Variants in HERC1 observed in about 807,000 individuals in gnomAD.
HERC1 encodes probable E3 ubiquitin-protein ligase HERC1.
In HERC1, 160 loss-of-function variants were observed where a neutral mutation model predicts 554.3. The ratio of observed to expected loss-of-function variants is 0.29; its 90% CI spans 0.25 to 0.33. HERC1 has a LOEUF of 0.33. HERC1 is among the 10% of genes least tolerant of loss of function. The probability of loss-of-function intolerance (pLI) is 1.00; values close to 1 mark genes in which losing one functional copy is unlikely to be tolerated. For synonymous variants in HERC1, 2,175 were observed against 2,131.7 expected, an observed-to-expected ratio of 1.02 and a Z score of -0.56; for missense variants, 4,919 against 5,918.5, an observed-to-expected ratio of 0.83 and a Z score of 5.54.
intron 1 of HERC1, among the ~76,000 whole-genome samples, chr15:63,816,094 T>C (rs1019030814): frequency 2.1e-5 from 1 of 48,532 alleles, no homozygotes; most frequent in Non-Finnish European, 6.2e-5. Context: ...AGCCAAACCA[T>C]ATACCTAACA....
rs137967909 is a variant in HERC1 at position 63,818,875 on chromosome 15, T to C, written c.-27+14952A>G. On this transcript the variant is annotated intron_variant, in intron 1 of 77. Transcript: ENST00000443617. ...TGATACAGTCAAAACCACTTCAGTA[T>C]TACTGCAGCCTACTAGTAGGTTTTA... 2.3e-3 allele frequency among the ~76,000 whole-genome samples: 352 copies of C among 152,322 alleles called. 5 individuals are homozygous for C. The highest frequency in any genetic ancestry group is 0.021 in the East Asian group (107 of 5,192).
At chr15:63,767,459 G>A (rs972173180) in intron 2 of HERC1, among the ~76,000 whole-genome samples, 3 of 152,030 alleles carry the variant, frequency 2.0e-5, no homozygotes, top group Non-Finnish European at 4.4e-5. Flanking sequence ...CAGCACTTTG[G>A]GAGGCCAAGG....
rs1300087397 is a variant in HERC1, at chr15:63,775,969, C to G, written c.-26-320G>C. On this transcript the variant is annotated intron_variant, in intron 1 of 77. Coordinates refer to ENST00000443617, the MANE Select transcript of HERC1 (RefSeq NM_003922.4). This position sits in a 1 kb window ranked among gnomAD's most constrained non-coding sequence, Gnocchi z 4.0. ...AGGAGAATCGCTTGAACCTGGGAGG[C>G]GGAGGTTGCAGTGAGCCGAGATCGC... is the stretch of plus-strand genomic sequence containing the variant. 6.8e-6 allele frequency among the ~76,000 whole-genome samples: 1 copy of G among 147,852 alleles called. No homozygotes were observed.
chr15:63,623,880 A>T lies in HERC1; in HGVS notation c.13456T>A (p.Cys4486Ser). 1 of 1,613,830 alleles carries T rather than the reference A, an allele frequency of 6.2e-7. No homozygotes were observed. The highest frequency in any genetic ancestry group is 8.5e-7 in the Non-Finnish European group (1 of 1,179,796). Reference protein sequence around the residue: ...VKRISTRGRKCKPIFVQIARQ... With the variant: ...VKRISTRGRKSKPIFVQIARQ... ...GCTATTTGGACAAAAATAGGCTTAC[A>T]CTTCCGTCCTCTTTAAAAGAAAGGG... Residue 4486 changes from cysteine (C) to serine (S), a missense_variant, in exon 73 of 78, where the codon TGT (cysteine) becomes AGT (serine). Coordinates refer to ENST00000443617, the MANE Select transcript of HERC1 (RefSeq NM_003922.4).
intron 64 of HERC1, chr15:63,636,985 T>C: frequency 2.7e-6 from 1 of 373,680 alleles, no homozygotes; most frequent in South Asian, 2.0e-5. Flanking sequence ...TGTATGCTTT[T>C]ACCTAAAAAA....
intron 7 of HERC1, among the ~76,000 whole-genome samples, chr15:63,754,088 C>T (rs987761256): frequency 1.3e-5 from 2 of 151,694 alleles, no homozygotes; most frequent in Admixed American, 1.3e-4. Context: ...GCAGGAGGAT[C>T]GCTTGAGCCC....
In HERC1 at chr15:63,775,616, G is replaced by T. The variant is rs767261448; in HGVS notation, c.8C>A (p.Thr3Asn). The T allele has an allele frequency of 6.3e-7, 1 of 1,590,708 alleles. No individual in the cohort carries two copies. The highest frequency in any genetic ancestry group is 1.2e-5 in the South Asian group (1 of 86,156). Reference protein sequence around the residue: MATMIPPVKLKWL... With the variant: MANMIPPVKLKWL... ...TTTCAGCTTCACTGGTGGAATCATAGTTGCCATGTTGATTTATCCTTCAGC... is the reference window on the plus strand; with the variant it reads ...TTTCAGCTTCACTGGTGGAATCATATTTGCCATGTTGATTTATCCTTCAGC... Residue 3 changes from threonine to asparagine, a missense_variant, in exon 2 of 78, where the codon ACT (threonine) becomes AAT (asparagine). This residue lies in a region of HERC1 where 110 missense variants were observed against 99.3 expected (regional missense o/e 1.11). Transcript: ENST00000443617. The surrounding 1 kb of genome is among the most constrained non-coding windows in gnomAD (Gnocchi z 4.0).
At chr15:63,790,506 A>G (rs1205670515) in intron 1 of HERC1, among the ~76,000 whole-genome samples, 3 of 152,012 alleles carry the variant, frequency 2.0e-5, no homozygotes, top group Non-Finnish European at 4.4e-5. Flanking sequence ...TGAACCAGGG[A>G]GGCGGAGCTT....
chr15:63,612,230 A>C lies in HERC1; in HGVS notation c.14400+21T>G. The C allele has an allele frequency of 6.4e-7, 1 of 1,572,236 alleles. No individual in the cohort carries two copies. The highest frequency in any genetic ancestry group is 8.7e-7 in the Non-Finnish European group (1 of 1,154,358). ...AGCAATAAGGCAGACATTACAAAGG[A>C]AAAAAGAATAGCTTACTTACCCTAT... On this transcript the variant is annotated intron_variant, in intron 77 of 77. Transcript: ENST00000443617. This position sits in a 1 kb window ranked among gnomAD's most constrained non-coding sequence, Gnocchi z 5.0.
At chr15:63,795,430 T>C (rs550113545) in intron 1 of HERC1, among the ~76,000 whole-genome samples, 2 of 152,062 alleles carry the variant, frequency 1.3e-5, no homozygotes, top group Non-Finnish European at 2.9e-5. Context: ...AGAGATAAAA[T>C]TGAGAGGAAA....
chr15:63,644,542 T>TA lies in HERC1; in HGVS notation c.11184+449dup, dbSNP rs2069232983. On this transcript the variant is annotated intron_variant, in intron 57 of 77. Transcript: ENST00000443617. ...TGCTTTTTACCCTCTCCAAACCTTC[T>TA]AACCCTAGCTTCATGAATTTATGTT... Among the ~76,000 whole-genome samples the TA allele has an allele frequency of 5.3e-5, 8 of 152,320 alleles. No homozygotes were observed. In the East Asian group the frequency reaches 1.5e-3, roughly 29 times the overall value.
intron 2 of HERC1, among the ~76,000 whole-genome samples, chr15:63,767,688 G>A (rs1428394441): frequency 1.3e-5 from 2 of 152,046 alleles, no homozygotes; most frequent in African/African-American, 4.8e-5. Context: ...ACAAGAGCGA[G>A]GCTCCGTCTC....
chr15:63,635,275 C>T (rs1278145767), intron 65 of HERC1, among the ~76,000 whole-genome samples: 4 of 152,186 alleles, frequency 2.6e-5, no homozygotes, highest in African/African-American at 9.7e-5. Context: ...TCTCAAACTC[C>T]TGGCCTCAAG....
intron 14 of HERC1, among the ~76,000 whole-genome samples, chr15:63,732,252 C>T (rs2074329305): frequency 6.6e-6 from 1 of 152,210 alleles, no homozygotes; most frequent in African/African-American, 2.4e-5. Flanking sequence ...CCACCCAACT[C>T]GGCCTCCCAA....
At chr15:63,638,155 T>A (rs1215911731) in intron 63 of HERC1, among the ~76,000 whole-genome samples, 6 of 152,136 alleles carry the variant, frequency 3.9e-5, no homozygotes, top group Admixed American at 2.0e-4. Flanking sequence ...CTGCTAGAAA[T>A]ACATACTGGG....
rs751411027 is a variant in HERC1, at chr15:63,626,084, G to T, written c.13176C>A (p.Val4392=). ...VPPQYGALRE[V]SIHTVRARLR... ...GCCTGGCCCGCACCGTGTGAATGCT[G>T]ACTTCTCTCAGCGCCCCATACTGGG... Residue 4392 remains valine (V), a synonymous_variant, in exon 71 of 78, where the codon GTC becomes GTA. Coordinates refer to ENST00000443617, the MANE Select transcript of HERC1 (RefSeq NM_003922.4). The T allele has an allele frequency of 1.5e-5, 25 of 1,613,750 alleles. No homozygotes were observed. The highest frequency in any genetic ancestry group is 1.9e-5 in the Non-Finnish European group (23 of 1,179,786).
intron 1 of HERC1, among the ~76,000 whole-genome samples, chr15:63,809,191 A>G (rs990342421): frequency 6.6e-6 from 1 of 152,220 alleles, no homozygotes; most frequent in African/African-American, 2.4e-5. Context: ...TCAACCACTG[A>G]CTGGCTTCAA....
At chr15:63,715,304 G>T (rs933977886) in intron 22 of HERC1, among the ~76,000 whole-genome samples, 1 of 152,162 alleles carries the variant, frequency 6.6e-6, no homozygotes, top group Admixed American at 6.5e-5. Context: ...GTTCCCAGAT[G>T]ACTATCATTC....
intron 22 of HERC1, among the ~76,000 whole-genome samples, chr15:63,714,963 G>A (rs1567044313): frequency 6.6e-6 from 1 of 152,108 alleles, no homozygotes; most frequent in Non-Finnish European, 1.5e-5. Flanking sequence ...ATAAAATTGT[G>A]ACAATATTTT....
Sources: allele counts gnomAD v4.1 joint callset (sites outside exome capture counted in the v4.1 genomes callset), GRCh38; gene constraint gnomAD v4.1.1; regional missense constraint gnomAD v4.1.1; non-coding constraint Gnocchi (gnomAD v3.1); transcripts MANE v1.5; gene names NCBI Gene and HGNC (gene_info 2026-07-23, HGNC 2026-07-21).